Variants in SDHAF3 observed in about 807,000 individuals in gnomAD.
SDHAF3 encodes the protein succinate dehydrogenase assembly factor 3, mitochondrial.
Under a neutral mutation model 11.5 loss-of-function variants are expected in SDHAF3, and 18 were observed. The observed-to-expected ratio is 1.56, with a 90% CI of 1.08 to 2.32. SDHAF3 has a LOEUF of 2.32. Ranked by LOEUF, SDHAF3 falls within the 30% of genes most tolerant of loss-of-function variation. The pLI, the probability that SDHAF3 is intolerant of heterozygous loss-of-function variation, is 0.00. For synonymous variants in SDHAF3, 72 were observed against 59.3 expected (o/e 1.21, Z -0.99); for missense variants, 200 against 154.4 (o/e 1.30, Z -1.57).
chr7:97,171,002 T>C (rs1482950884), intron 1 of SDHAF3, among the ~76,000 whole-genome samples: 1 of 152,170 alleles, frequency 6.6e-6, no homozygotes. Context: ...CAACATAGGT[T>C]CTTTTTTCTT....
intron 1 of SDHAF3, among the ~76,000 whole-genome samples, chr7:97,126,845 G>GAAAA (rs553016957): frequency 8.5e-6 from 1 of 117,620 alleles, no homozygotes. Flanking sequence ...CTGGAGTACC[G>GAAAA]AAAAAAAAAA....
intron 1 of SDHAF3, chr7:97,136,588 A>G (rs1791774154): frequency 2.2e-6 from 1 of 449,250 alleles, no homozygotes; most frequent in Non-Finnish European, 4.0e-6. Flanking sequence ...AACTATGTAC[A>G]GTACGCTTCT....
intron 1 of SDHAF3, among the ~76,000 whole-genome samples, chr7:97,157,880 C>T (rs566204494): frequency 4.7e-5 from 7 of 148,654 alleles, no homozygotes; most frequent in African/African-American, 9.9e-5. Context: ...AACCAAACAC[C>T]GCATGTTCTC....
chr7:97,138,167 A>ATT (rs11345197), intron 1 of SDHAF3, among the ~76,000 whole-genome samples: 25,574 of 134,176 alleles, frequency 0.19, 2,710 homozygotes, highest in Middle Eastern at 0.25. Flanking sequence ...CCCCACTGGC[A>ATT]TTTTTTTTTT....
chr7:97,170,343 C>T (rs1789586841), intron 1 of SDHAF3, among the ~76,000 whole-genome samples: 1 of 152,006 alleles, frequency 6.6e-6, no homozygotes, highest in South Asian at 2.1e-4. Flanking sequence ...GTCCATTCAC[C>T]TAAATGATCA....
intron 1 of SDHAF3, among the ~76,000 whole-genome samples, chr7:97,161,501 G>C (rs1319737998): frequency 6.6e-6 from 1 of 152,122 alleles, no homozygotes; most frequent in Non-Finnish European, 1.5e-5. Context: ...TGTTACATAG[G>C]TATACACGTG....
chr7:97,161,184 T>A (rs1325791538), intron 1 of SDHAF3, among the ~76,000 whole-genome samples: 1 of 152,210 alleles, frequency 6.6e-6, no homozygotes, highest in African/African-American at 2.4e-5. Context: ...TGCCTGTCTG[T>A]AGGCTAATGT....
chr7:97,132,722 G>T (rs1001645361), intron 1 of SDHAF3, among the ~76,000 whole-genome samples: 2 of 152,118 alleles, frequency 1.3e-5, no homozygotes, highest in East Asian at 3.9e-4. Context: ...CTGTTGGTTT[G>T]TCTTCTTCTG....
chr7:97,160,606 G>A (rs1392852680), intron 1 of SDHAF3, among the ~76,000 whole-genome samples: 14 of 152,160 alleles, frequency 9.2e-5, no homozygotes, highest in Admixed American at 7.8e-4. Flanking sequence ...CTTACCCCCC[G>A]ACCCCCAAAA....
At chr7:97,131,309 C>G (rs1034745021) in intron 1 of SDHAF3, among the ~76,000 whole-genome samples, 1 of 152,176 alleles carries the variant, frequency 6.6e-6, no homozygotes, top group African/African-American at 2.4e-5. Context: ...ATCTTCTACA[C>G]TTCTAGCACA....
chr7:97,164,446 A>T (rs1309013314), intron 1 of SDHAF3, among the ~76,000 whole-genome samples: 3 of 149,084 alleles, frequency 2.0e-5, no homozygotes, highest in Non-Finnish European at 4.4e-5. Flanking sequence ...GCAATGGCGC[A>T]ATCTCGGCTC....
At chr7:97,121,758 A>G (rs1377348851) in intron 1 of SDHAF3, among the ~76,000 whole-genome samples, 2 of 152,120 alleles carry the variant, frequency 1.3e-5, no homozygotes, top group African/African-American at 4.8e-5. Flanking sequence ...GGTCAAATTT[A>G]CCATATCAAA....
At chr7:97,117,930 C>A (rs1204807108) in intron 1 of SDHAF3, 33 bp downstream of exon 1, 1 of 1,606,204 alleles carries the variant, frequency 6.2e-7, no homozygotes, top group East Asian at 2.2e-5. Context: ...TGCCCAAGAC[C>A]TTTGGGGTTC....
chr7:97,172,118 A>G (rs963570358), intron 1 of SDHAF3, among the ~76,000 whole-genome samples: 3 of 152,260 alleles, frequency 2.0e-5, no homozygotes, highest in South Asian at 2.1e-4. Flanking sequence ...CTATTCTTCA[A>G]AAGTTTCTGG....
intron 1 of SDHAF3, among the ~76,000 whole-genome samples, chr7:97,123,125 C>T (rs970030366): frequency 3.3e-5 from 5 of 152,030 alleles, no homozygotes; most frequent in East Asian, 1.9e-4. Context: ...TGGTATTTGT[C>T]CTAATGCTCT....
chr7:97,151,434 A>G (rs569275978), intron 1 of SDHAF3, among the ~76,000 whole-genome samples: 1 of 151,826 alleles, frequency 6.6e-6, no homozygotes, highest in Non-Finnish European at 1.5e-5. Context: ...CATAGATTAA[A>G]ATATCTCGGG....
chr7:97,155,157 C>T (rs1215828857), intron 1 of SDHAF3, among the ~76,000 whole-genome samples: 1 of 152,154 alleles, frequency 6.6e-6, no homozygotes, highest in East Asian at 1.9e-4. Context: ...AAAAACATAT[C>T]TGGGATTTTG....
intron 1 of SDHAF3, chr7:97,142,837 A>G (rs1019636176): frequency 3.3e-5 from 5 of 149,324 alleles, no homozygotes; most frequent in African/African-American, 7.4e-5. Flanking sequence ...GAACACCACT[A>G]TCTTCTCTCA....
chr7:97,153,447 C>G (rs996573107), intron 1 of SDHAF3, among the ~76,000 whole-genome samples: 1 of 152,146 alleles, frequency 6.6e-6, no homozygotes. Flanking sequence ...GTTCATTTAC[C>G]TACTGAAGGA....
Sources: allele counts gnomAD v4.1 joint callset (sites outside exome capture counted in the v4.1 genomes callset), GRCh38; gene constraint gnomAD v4.1.1; transcripts MANE v1.5; gene names NCBI Gene and HGNC (gene_info 2026-07-23, HGNC 2026-07-21).